Variants in NOP9 observed in about 807,000 individuals in gnomAD.
The protein encoded by NOP9 is NOP9 nucleolar protein, also known as nucleolar protein 9.
Under a neutral mutation model 63.0 loss-of-function variants are expected in NOP9, and 50 were observed. The observed-to-expected ratio is 0.79, with a 90% CI of 0.63 to 1.00. NOP9 has a LOEUF of 1.00. Among genes scored for constraint, NOP9 ranks in the 50% least tolerant of loss-of-function variants. The probability of loss-of-function intolerance (pLI) is 0.00; values close to 1 mark genes in which losing one functional copy is unlikely to be tolerated. For synonymous variants in NOP9, 343 were observed against 332.8 expected (o/e 1.03, Z -0.33); for missense variants, 758 against 803.0 (o/e 0.94, Z 0.68).
Position 24,302,368 on chromosome 14 carries a change from C to T in NOP9, c.1087C>T (p.Pro363Ser), listed in dbSNP as rs1404126845. Reference protein sequence around the residue: ...QGQLQTLAAHPIANFPLQRLL... With the variant: ...QGQLQTLAAHSIANFPLQRLL... ...GCAGCTGCAGACCCTGGCTGCACAT[C>T]CCATTGCCAACTTCCCTTTGCAGCG... is the stretch of plus-strand genomic sequence containing the variant. Residue 363 changes from proline to serine, a missense_variant, in exon 5 of 10, where the codon CCC becomes TCC. Transcript: ENST00000267425. The T allele has an allele frequency of 6.2e-7, 1 of 1,613,932 alleles. No individual in the cohort carries two copies. Among genetic ancestry groups the T allele is most frequent in the Non-Finnish European group, 8.5e-7 (1 of 1,179,970 alleles).
Position 24,307,439 on chromosome 14 carries a change from C to A in NOP9, c.*2344C>A. 2 of 1,614,128 alleles carry A rather than the reference C, an allele frequency of 1.2e-6. No individual in the cohort carries two copies. Among genetic ancestry groups the A allele is most frequent in the East Asian group, 4.5e-5 (2 of 44,878 alleles). ...CGGATGGTCCGCTTGTGATCACAGA[C>A]ACGGAAAGGTCGCTGGGGTGGTGGA... is the stretch of plus-strand genomic sequence containing the variant. On this transcript the variant is annotated 3_prime_UTR_variant, in exon 10 of 10. Coordinates refer to ENST00000267425, the MANE Select transcript of NOP9 (RefSeq NM_174913.3).
chr14:24,287,822 A>G, the NOP9 span, among the ~76,000 whole-genome samples: 1 of 152,202 alleles, frequency 6.6e-6, no homozygotes, highest in Admixed American at 6.5e-5. Context: ...AGTTTACTGC[A>G]GCACTCATCT....
chr14:24,300,285 G>A (rs2041346307), intron 1 of NOP9, 84 bp downstream of exon 1: 2 of 1,576,074 alleles, frequency 1.3e-6, no homozygotes, highest in Admixed American at 3.5e-5. Flanking sequence ...AGGGCGTGGG[G>A]ACTTAGTTTC....
chr14:24,295,445 A>G (rs982530561), upstream of NOP9, among the ~76,000 whole-genome samples: 1 of 152,240 alleles, frequency 6.6e-6, no homozygotes, highest in Non-Finnish European at 1.5e-5. Flanking sequence ...CCAAGGTAAT[A>G]CAGAGGAAAG....
At chr14:24,298,778 C>T (rs1157808146), upstream of NOP9, 7 of 851,886 alleles carry the variant, frequency 8.2e-6, no homozygotes, top group African/African-American at 1.7e-5. Context: ...ACTCACTTGG[C>T]GGCAAAATTC....
the NOP9 span, among the ~76,000 whole-genome samples, chr14:24,281,490 G>A: frequency 6.6e-6 from 1 of 152,188 alleles, no homozygotes; most frequent in Non-Finnish European, 1.5e-5. Context: ...GGGGATGAAG[G>A]GTTCAAGACC....
chr14:24,300,020 G>T lies in NOP9; in HGVS notation c.66G>T (p.Gly22=), dbSNP rs201493718. Residue 22 remains glycine (G), a synonymous_variant, in exon 1 of 10, where the codon GGG becomes GGT. Transcript: ENST00000267425. ...GGTTCCCAGCTGGTGGCAAACGGGGGCGCGGGGCCAAGGGGTCGGGGCGCC... is the reference window on the plus strand; with the variant it reads ...GGTTCCCAGCTGGTGGCAAACGGGGTCGCGGGGCCAAGGGGTCGGGGCGCC... ...GRRFPAGGKR[G]RGAKGSGRPL... is the part of the protein sequence containing the mutation. 4.4e-4 allele frequency: 704 copies of T among 1,601,776 alleles called. 5 individuals carry two copies. Among genetic ancestry groups the T allele is most frequent in the Non-Finnish European group, 2.8e-5 (33 of 1,173,366 alleles).
At chr14:24,281,788 G>A in the NOP9 span, among the ~76,000 whole-genome samples, 1 of 152,212 alleles carries the variant, frequency 6.6e-6, no homozygotes, top group Non-Finnish European at 1.5e-5. Flanking sequence ...GTGTGGTCAA[G>A]TTTAGGGAAG....
chr14:24,305,580 GTC>G lies in NOP9; in HGVS notation c.*487_*488del. 6.3e-7 allele frequency: 1 copy of G among 1,579,042 alleles called. No individual in the cohort carries two copies. Among genetic ancestry groups the G allele is most frequent in the Non-Finnish European group, 8.6e-7 (1 of 1,164,148 alleles). ...GGTCCTGAAATTTGATGCTGTCATA[GTC>G]TTTGCAGTGGGTCGGTTGGAATGAT... On this transcript the variant is annotated 3_prime_UTR_variant, in exon 10 of 10. Transcript: ENST00000267425.
upstream of NOP9, among the ~76,000 whole-genome samples, chr14:24,295,294 G>A (rs2041230981): frequency 6.6e-6 from 1 of 152,152 alleles, no homozygotes; most frequent in African/African-American, 2.4e-5. Flanking sequence ...AGATTATACT[G>A]GTCTTCAGAT....
At chr14:24,292,749 A>T in the NOP9 span, 1 of 1,614,218 alleles carries the variant, frequency 6.2e-7, no homozygotes, top group Non-Finnish European at 8.5e-7. Flanking sequence ...TGGTACCATC[A>T]GCCGTGCCCC....
the NOP9 span, among the ~76,000 whole-genome samples, chr14:24,277,268 A>C: frequency 1.3e-5 from 2 of 152,162 alleles, no homozygotes; most frequent in African/African-American, 4.8e-5. Context: ...TACTTCTCAC[A>C]TGTTTGGTTT....
the NOP9 span, among the ~76,000 whole-genome samples, chr14:24,274,512 A>C: frequency 2.0e-5 from 3 of 150,936 alleles, no homozygotes; most frequent in East Asian, 5.8e-4. Context: ...AACTGATGAT[A>C]ATAAGCCTCT....
the NOP9 span, among the ~76,000 whole-genome samples, chr14:24,273,538 A>G: frequency 1.3e-5 from 2 of 152,224 alleles, no homozygotes; most frequent in Non-Finnish European, 2.9e-5. Context: ...ATGTATGTAA[A>G]GTGTCCATTA....
chr14:24,293,573 A>AAAATAAATAAATAAATAAATAAATAAAT, the NOP9 span: 4 of 150,400 alleles, frequency 2.7e-5, no homozygotes, highest in African/African-American at 7.3e-5. Context: ...GATTGTCTCA[A>AAAATAAATAAATAAATAAATAAATAAAT]AAATAAATAA....
At chr14:24,301,810 C>T (rs1490225841) in intron 3 of NOP9, 88 bp downstream of exon 3, 1 of 1,514,430 alleles carries the variant, frequency 6.6e-7, no homozygotes, top group East Asian at 2.3e-5. Context: ...CAGGTTATTC[C>T]TCTTCTTTTC....
the NOP9 span, among the ~76,000 whole-genome samples, chr14:24,279,125 C>G: frequency 6.6e-6 from 1 of 152,150 alleles, no homozygotes; most frequent in African/African-American, 2.4e-5. Context: ...GGGAGGCATT[C>G]AAGCATATGT....
the NOP9 span, among the ~76,000 whole-genome samples, chr14:24,278,864 G>A: frequency 2.0e-5 from 3 of 152,178 alleles, no homozygotes; most frequent in Non-Finnish European, 4.4e-5. Context: ...GAGTCCAGAG[G>A]TAGAAATCAG....
chr14:24,288,442 C>T, the NOP9 span, among the ~76,000 whole-genome samples: 4 of 151,966 alleles, frequency 2.6e-5, no homozygotes, highest in South Asian at 2.1e-4. Context: ...CTCTGCCTTC[C>T]GGGTTCAAGC....
Sources: allele counts gnomAD v4.1 joint callset (sites outside exome capture counted in the v4.1 genomes callset), GRCh38; gene constraint gnomAD v4.1.1; transcripts MANE v1.5; gene names NCBI Gene and HGNC (gene_info 2026-07-23, HGNC 2026-07-21).